Variants in ABCD3 observed in about 807,000 individuals in gnomAD.
The protein encoded by ABCD3 is ATP-binding cassette sub-family D member 3.
Under a neutral mutation model 105.5 loss-of-function variants are expected in ABCD3, and 41 were observed. The observed-to-expected ratio is 0.39, with a 90% CI of 0.30 to 0.50. The LOEUF (loss-of-function observed/expected upper bound fraction) is 0.50, where lower values mean the gene tolerates loss of function less well. Ranked by LOEUF, ABCD3 falls within the 20% of genes least tolerant of loss-of-function variation. The pLI, the probability that ABCD3 is intolerant of heterozygous loss-of-function variation, is 0.84. For synonymous variants in ABCD3, 258 were observed against 269.0 expected, an observed-to-expected ratio of 0.96 and a Z score of 0.40; for missense variants, 622 against 806.3, an observed-to-expected ratio of 0.77 and a Z score of 2.77.
intron 1 of ABCD3, among the ~76,000 whole-genome samples, chr1:94,454,954 G>T (rs1647472902): frequency 6.6e-6 from 1 of 152,130 alleles, no homozygotes; most frequent in African/African-American, 2.4e-5. Flanking sequence ...ACCTGGCCTA[G>T]AACTTTCTTT....
chr1:94,498,225 C>T (rs1483147333), intron 16 of ABCD3, among the ~76,000 whole-genome samples: 1 of 152,024 alleles, frequency 6.6e-6, no homozygotes, highest in Non-Finnish European at 1.5e-5. Context: ...ACCACCACAC[C>T]TGCTTAATTT....
At chr1:94,417,346 G>A (rs1659055493), upstream of ABCD3, among the ~76,000 whole-genome samples, 1 of 152,184 alleles carries the variant, frequency 6.6e-6, no homozygotes, top group African/African-American at 2.4e-5. Flanking sequence ...CTACTTTGTA[G>A]GCTACTTTAA....
chr1:94,422,065 GCTGATACT>G (rs1327090181), intron 1 of ABCD3, among the ~76,000 whole-genome samples: 1 of 152,190 alleles, frequency 6.6e-6, no homozygotes, highest in African/African-American at 2.4e-5. Flanking sequence ...AACTTGCCCA[GCTGATACT>G]TCTTTTTCTT....
intron 1 of ABCD3, among the ~76,000 whole-genome samples, chr1:94,443,258 G>GTCT (rs1246284221): frequency 6.6e-6 from 1 of 152,060 alleles, no homozygotes; most frequent in Non-Finnish European, 1.5e-5. Flanking sequence ...CCCTTTGTAT[G>GTCT]TCTTCTTTTG....
At chr1:94,488,433 G>A (rs758140689) in intron 13 of ABCD3, among the ~76,000 whole-genome samples, 10 of 151,930 alleles carry the variant, frequency 6.6e-5, no homozygotes, top group Non-Finnish European at 1.0e-4. Flanking sequence ...ATCTGTAGGC[G>A]TGCTTGTGAA....
intron 21 of ABCD3, among the ~76,000 whole-genome samples, chr1:94,507,697 A>T (rs1650436558): frequency 6.6e-6 from 1 of 151,910 alleles, no homozygotes; most frequent in South Asian, 2.1e-4. Context: ...CTGGTGTGAG[A>T]TGTTATCTCA....
chr1:94,417,177 A>C (rs1659049854), upstream of ABCD3, among the ~76,000 whole-genome samples: 1 of 152,208 alleles, frequency 6.6e-6, no homozygotes, highest in Non-Finnish European at 1.5e-5. Context: ...CCACATGACA[A>C]ATAGTGAATT....
chr1:94,454,374 G>A (rs1290695260), intron 1 of ABCD3, among the ~76,000 whole-genome samples: 4 of 152,268 alleles, frequency 2.6e-5, no homozygotes, highest in South Asian at 2.1e-4. Flanking sequence ...CTTATGTTCA[G>A]TATGGAATAA....
rs1414467233 is a variant in ABCD3 at position 94,489,819 on chromosome 1, A to G, written c.1249+3A>G. The G allele has an allele frequency of 6.2e-7, 1 of 1,612,742 alleles. No homozygotes were observed. The highest frequency in any genetic ancestry group is 8.5e-7 in the Non-Finnish European group (1 of 1,179,062). On this transcript the variant is annotated splice_donor_region_variant and intron_variant, in intron 14 of 22. Transcript: ENST00000370214. ...AATGGTCTCACAACAGGAAAAGGGT[A>G]AATATGAGTGTCACAGTTTAAGGTC...
chr1:94,458,574 G>T, intron 1 of ABCD3, 33 bp from the exon 2 acceptor site: 1 of 1,592,726 alleles, frequency 6.3e-7, no homozygotes, highest in Middle Eastern at 1.7e-4. Flanking sequence ...TTCACATAAA[G>T]TAAAGCTCTC....
intron 1 of ABCD3, among the ~76,000 whole-genome samples, chr1:94,434,976 G>T (rs567728558): frequency 2.0e-5 from 3 of 148,686 alleles, no homozygotes; most frequent in East Asian, 2.0e-4. Flanking sequence ...TGTGTTTGTG[G>T]TTTTTTTTTT....
chr1:94,478,286 T>G lies in ABCD3; in HGVS notation c.655T>G (p.Phe219Val), dbSNP rs1648859689. 1 of 1,602,744 alleles carries G rather than the reference T, an allele frequency of 6.2e-7. No homozygotes were observed. Among genetic ancestry groups the G allele is most frequent in the Non-Finnish European group, 8.5e-7 (1 of 1,171,552 alleles). Residue 219 changes from phenylalanine to valine, a missense_variant, in exon 8 of 23, where the codon TTT becomes GTT. Phe to Val is a conservative substitution (Grantham distance 50). Around this residue, in one of 4 missense-constraint regions of ABCD3, gnomAD observed 245 missense variants for 356.4 expected, o/e 0.69. Transcript: ENST00000370214. ...KPFLDIVLYIFKLTSAIGAQG... is the reference protein window; with the variant it reads ...KPFLDIVLYIVKLTSAIGAQG... ...ATTTTTAGACATAGTTTTGTATATC[T>G]TTAAGTTAACGAGTGCAATTGGAGC...
intron 4 of ABCD3, among the ~76,000 whole-genome samples, chr1:94,472,568 G>GCT (rs1342823709): frequency 6.6e-6 from 1 of 151,856 alleles, no homozygotes; most frequent in Non-Finnish European, 1.5e-5. Context: ...TGGAATCTTG[G>GCT]CTATGATAGA....
At chr1:94,484,894 A>G (rs1360943085) in intron 10 of ABCD3, among the ~76,000 whole-genome samples, 1 of 152,238 alleles carries the variant, frequency 6.6e-6, no homozygotes, top group Non-Finnish European at 1.5e-5. Context: ...TGAAAATACA[A>G]TAAAGATTAT....
intron 21 of ABCD3, chr1:94,513,713 CTT>C (rs1183516571): frequency 2.0e-5 from 3 of 151,948 alleles, no homozygotes; most frequent in African/African-American, 7.3e-5. Flanking sequence ...TTTATTTTGA[CTT>C]ATATACTTCA....
intron 1 of ABCD3, among the ~76,000 whole-genome samples, chr1:94,441,983 G>A (rs1660149417): frequency 6.6e-6 from 1 of 152,046 alleles, no homozygotes. Context: ...TCATGATTTT[G>A]ATAATTGTAC....
chr1:94,493,630 A>G (rs1366437134), intron 16 of ABCD3, among the ~76,000 whole-genome samples: 1 of 151,676 alleles, frequency 6.6e-6, no homozygotes, highest in Non-Finnish European at 1.5e-5. Flanking sequence ...GCTGCTATAA[A>G]GACACATGCA....
chr1:94,450,316 G>GCCC (rs200417322), intron 1 of ABCD3, among the ~76,000 whole-genome samples: 30 of 152,130 alleles, frequency 2.0e-4, no homozygotes, highest in African/African-American at 7.0e-4. Flanking sequence ...TTGGGAACAG[G>GCCC]CCCCCCAAAT....
At chr1:94,501,158 G>A (rs1210987337) in intron 20 of ABCD3, among the ~76,000 whole-genome samples, 1 of 151,874 alleles carries the variant, frequency 6.6e-6, no homozygotes, top group Non-Finnish European at 1.5e-5. Flanking sequence ...AGCAGTGGGG[G>A]GCTGAGGCGG....
Sources: gnomAD v4.1 joint callset for allele counts (sites outside exome capture counted in the v4.1 genomes callset) on GRCh38, gnomAD v4.1.1 for gene constraint, gnomAD v4.1.1 regional missense constraint, MANE v1.5 for transcripts, NCBI Gene and HGNC (gene_info 2026-07-23, HGNC 2026-07-21) for gene names.